FER: variants seen among roughly 807,000 people sequenced by gnomAD.
FER encodes tyrosine-protein kinase Fer.
In FER, 63 loss-of-function variants were observed where a neutral mutation model predicts 111.0. The observed-to-expected ratio is 0.57, with a 90% confidence interval of 0.46 to 0.70. The LOEUF (loss-of-function observed/expected upper bound fraction) is 0.70, where lower values mean the gene tolerates loss of function less well. Among genes scored for constraint, FER ranks in the 30% least tolerant of loss-of-function variants. The probability of loss-of-function intolerance (pLI) is 0.00; values close to 1 mark genes in which losing one functional copy is unlikely to be tolerated. For synonymous variants in FER, 327 were observed against 313.9 expected, an observed-to-expected ratio of 1.04 and a Z score of -0.44; for missense variants, 914 against 954.0, an observed-to-expected ratio of 0.96 and a Z score of 0.55.
At chr5:108,921,380 A>G (rs958460053) in intron 10 of FER, among the ~76,000 whole-genome samples, 1 of 152,144 alleles carries the variant, frequency 6.6e-6, no homozygotes, top group Non-Finnish European at 1.5e-5. Context: ...TCTGTCTTCT[A>G]TAATCCCTGC....
intron 10 of FER, among the ~76,000 whole-genome samples, chr5:108,925,864 G>A (rs928163907): frequency 1.3e-4 from 20 of 151,886 alleles, no homozygotes; most frequent in Admixed American, 1.3e-3. Context: ...AAAAATATTA[G>A]AGGATATTGA....
intron 2 of FER, among the ~76,000 whole-genome samples, chr5:108,776,159 A>C (rs1000928387): frequency 6.6e-6 from 1 of 152,164 alleles, no homozygotes; most frequent in Non-Finnish European, 1.5e-5. Context: ...TTATAAATTC[A>C]AGCTGTATTG....
intron 13 of FER, among the ~76,000 whole-genome samples, chr5:108,999,024 T>C (rs1308057344): frequency 6.6e-6 from 1 of 152,080 alleles, no homozygotes; most frequent in African/African-American, 2.4e-5. Flanking sequence ...TAAATACCCA[T>C]ATATGAACTA....
At chr5:108,971,742 C>T (rs1020136703) in intron 13 of FER, among the ~76,000 whole-genome samples, 1 of 152,034 alleles carries the variant, frequency 6.6e-6, no homozygotes, top group African/African-American at 2.4e-5. Flanking sequence ...TAGTAAAATT[C>T]TAGGACTCCA....
chr5:108,928,770 A>G (rs1263618912), intron 10 of FER, among the ~76,000 whole-genome samples: 1 of 151,970 alleles, frequency 6.6e-6, no homozygotes, highest in Non-Finnish European at 1.5e-5. Context: ...GTCTGTATAC[A>G]TATAAACTGT....
chr5:108,846,581 A>G (rs796534118), intron 5 of FER, among the ~76,000 whole-genome samples: 24 of 151,788 alleles, frequency 1.6e-4, no homozygotes, highest in African/African-American at 4.6e-4. Context: ...TTTTATTTAT[A>G]TATTTTTTAT....
At chr5:109,122,047 G>T (rs898999804) in intron 17 of FER, among the ~76,000 whole-genome samples, 1 of 151,234 alleles carries the variant, frequency 6.6e-6, no homozygotes, top group African/African-American at 2.4e-5. Context: ...TGTTTTGTTA[G>T]CCTTTTGTAT....
rs1198717327 is a variant in FER, at chr5:109,190,639, G to A, written c.*3064G>A. ...CTCTTCTGGGAAAATAAAATTGACAGGTTTTGTTTAAACTTCAGAAACTGA... is the reference window on the plus strand; with the variant it reads ...CTCTTCTGGGAAAATAAAATTGACAAGTTTTGTTTAAACTTCAGAAACTGA... On this transcript the variant is annotated 3_prime_UTR_variant, in exon 20 of 20. Coordinates refer to ENST00000281092, the MANE Select transcript of FER (RefSeq NM_005246.4). 2 of 152,098 alleles carry A rather than the reference G, an allele frequency of 1.3e-5. No homozygotes were observed. Among genetic ancestry groups the A allele is most frequent in the Non-Finnish European group, 2.9e-5 (2 of 68,000 alleles). The allele number at this position is 152,098 out of a possible 1,614,324, so 9.4% of individuals were successfully genotyped here.
intron 17 of FER, among the ~76,000 whole-genome samples, chr5:109,146,808 G>T (rs1754270836): frequency 6.6e-6 from 1 of 152,008 alleles, no homozygotes; most frequent in South Asian, 2.1e-4. Context: ...GCATTGGCAA[G>T]ACTTGACTTT....
intron 8 of FER, among the ~76,000 whole-genome samples, chr5:108,873,258 C>T (rs898665788): frequency 9.2e-5 from 14 of 152,102 alleles, no homozygotes; most frequent in Non-Finnish European, 1.8e-4. Context: ...ATTCTCATGC[C>T]TCAGCCTCCT....
chr5:108,878,637 C>T lies in FER; in HGVS notation c.924-4759C>T, dbSNP rs186427709. Among the ~76,000 whole-genome samples, 464 of 152,064 alleles carry T rather than the reference C, an allele frequency of 3.1e-3. 2 individuals are homozygous for T. Among genetic ancestry groups the T allele is most frequent in the African/African-American group, 0.011 (440 of 41,474 alleles). ...AGTTGGTGCTAGGTTTTGTGGGACT[C>T]TAAGCTTATAAAATTGGAGTGTGGG... On this transcript the variant is annotated intron_variant, in intron 8 of 19. Transcript: ENST00000281092.
intron 3 of FER, among the ~76,000 whole-genome samples, chr5:108,832,546 T>A (rs1760155092): frequency 6.6e-6 from 1 of 152,202 alleles, no homozygotes; most frequent in Admixed American, 6.5e-5. Flanking sequence ...TTTCTTAGTT[T>A]TCTGTGTTGT....
At chr5:108,809,624 A>G (rs1480938621) in intron 3 of FER, among the ~76,000 whole-genome samples, 1 of 152,092 alleles carries the variant, frequency 6.6e-6, no homozygotes, top group East Asian at 1.9e-4. Context: ...GTGCAGTGGC[A>G]TGATCACAGC....
intron 10 of FER, among the ~76,000 whole-genome samples, chr5:108,899,041 T>C (rs1197808098): frequency 1.3e-5 from 2 of 151,756 alleles, no homozygotes; most frequent in Non-Finnish European, 2.9e-5. Context: ...CTTTATGTTG[T>C]TCTAAATAGT....
chr5:109,143,352 A>G (rs908070392), intron 17 of FER, among the ~76,000 whole-genome samples: 7 of 152,288 alleles, frequency 4.6e-5, no homozygotes, highest in Admixed American at 6.5e-5. Context: ...TAGATTGTCT[A>G]ATCAGCCTCT....
At chr5:108,948,285 G>T (rs1757267937) in intron 11 of FER, among the ~76,000 whole-genome samples, 1 of 152,022 alleles carries the variant, frequency 6.6e-6, no homozygotes, top group South Asian at 2.1e-4. Flanking sequence ...CTTGATAGAA[G>T]AAAGAACTTA....
intron 13 of FER, among the ~76,000 whole-genome samples, chr5:108,983,866 G>C (rs1322323397): frequency 6.6e-6 from 1 of 152,124 alleles, no homozygotes; most frequent in Non-Finnish European, 1.5e-5. Flanking sequence ...CTGAAAGCAA[G>C]CTAACACACC....
chr5:109,083,363 C>T lies in FER; in HGVS notation c.1925-17033C>T, dbSNP rs555913076. 2.0e-5 allele frequency among the ~76,000 whole-genome samples: 3 copies of T among 152,066 alleles called. No homozygotes were observed. In the South Asian group the frequency reaches 6.2e-4, roughly 32 times the overall value. On this transcript the variant is annotated intron_variant, in intron 16 of 19. Transcript: ENST00000281092. ...ATTAAGCATGCAGTCCCACATCATA[C>T]CACTAATAACATTATGACAGATCTC...
At chr5:108,944,108 TACACACACAC>T (rs34138754) in intron 10 of FER, among the ~76,000 whole-genome samples, 16 of 145,736 alleles carry the variant, frequency 1.1e-4, no homozygotes, top group Admixed American at 6.2e-4. Context: ...TGTGTATGTG[TACACACACAC>T]ACACACACAC....
Sources: allele counts gnomAD v4.1 joint callset (sites outside exome capture counted in the v4.1 genomes callset), GRCh38; gene constraint gnomAD v4.1.1; transcripts MANE v1.5; gene names NCBI Gene and HGNC (gene_info 2026-07-23, HGNC 2026-07-21).